The following KDM4C variants were observed in gnomAD, a reference collection of about 807,000 sequenced individuals.
KDM4C encodes lysine-specific demethylase 4C.
In KDM4C, 81 loss-of-function variants were observed where a neutral mutation model predicts 129.3. That is an observed-to-expected ratio of 0.63 (90% confidence interval 0.52 to 0.75). The LOEUF is 0.75. Among genes scored for constraint, KDM4C ranks in the 30% least tolerant of loss-of-function variants. The pLI, the probability that KDM4C is intolerant of heterozygous loss-of-function variation, is 0.00. For missense variants in KDM4C, 1,457 were observed against 1,304.0 expected (o/e 1.12, Z -1.81); for synonymous variants, 573 against 456.1 (o/e 1.26, Z -3.26).
intron 4 of KDM4C, among the ~76,000 whole-genome samples, chr9:6,824,456 G>C (rs556617746): frequency 6.6e-6 from 1 of 152,230 alleles, no homozygotes; most frequent in African/African-American, 2.4e-5. Flanking sequence ...TCCCCAGTGT[G>C]CATTTTTCTG....
At chr9:6,925,068 G>T in intron 8 of KDM4C, 1 of 985,302 alleles carries the variant, frequency 1.0e-6, no homozygotes, top group Non-Finnish European at 1.2e-6. Flanking sequence ...AACGAAACAT[G>T]CATCCTTTTT....
chr9:6,783,841 A>G (rs1263573122), intron 1 of KDM4C, among the ~76,000 whole-genome samples: 1 of 152,226 alleles, frequency 6.6e-6, no homozygotes, highest in East Asian at 1.9e-4. Flanking sequence ...GGAGGCAGAC[A>G]TCAGATTGCA....
At chr9:6,793,252 G>A (rs1259887298) in intron 2 of KDM4C, 120 bp downstream of exon 2, 5 of 910,020 alleles carry the variant, frequency 5.5e-6, no homozygotes, top group East Asian at 2.5e-5. Context: ...CTTTGTTCTC[G>A]TTAATCCATG....
chr9:7,005,492 C>G (rs988744632), intron 12 of KDM4C, among the ~76,000 whole-genome samples: 6 of 150,618 alleles, frequency 4.0e-5, no homozygotes, highest in African/African-American at 1.5e-4. Context: ...AAACGCCCCA[C>G]ATTCCTTTGT....
At chr9:6,804,342 C>A (rs1829570947) in intron 2 of KDM4C, among the ~76,000 whole-genome samples, 1 of 152,150 alleles carries the variant, frequency 6.6e-6, no homozygotes, top group African/African-American at 2.4e-5. Context: ...GGTGGGAGTA[C>A]TATGCCATGG....
chr9:7,091,597 A>G (rs528385972), intron 17 of KDM4C, among the ~76,000 whole-genome samples: 3 of 151,836 alleles, frequency 2.0e-5, no homozygotes, highest in South Asian at 4.1e-4. Context: ...AATTTACTAA[A>G]CATGGCTACA....
At chr9:6,801,229 G>A (rs998770934) in intron 2 of KDM4C, among the ~76,000 whole-genome samples, 12 of 139,734 alleles carry the variant, frequency 8.6e-5, no homozygotes, top group Non-Finnish European at 1.7e-4. Flanking sequence ...TTATGTCCTT[G>A]AGTAGGGAAA....
Position 7,105,966 on chromosome 9 carries a change from A to G in KDM4C, c.2610+2096A>G, listed in dbSNP as rs532029973. On this transcript the variant is annotated intron_variant, in intron 18 of 21. Transcript: ENST00000381309. ...GTAAAGACTGGGGAAAAGATCATAT[A>G]ATTTACAACATCACGTGAGGCAGCT... Among the ~76,000 whole-genome samples, 3 of 152,288 alleles carry G rather than the reference A, an allele frequency of 2.0e-5. No individual in the cohort carries two copies. In the South Asian group the frequency reaches 6.2e-4, roughly 32 times the overall value.
intron 19 of KDM4C, among the ~76,000 whole-genome samples, chr9:7,138,101 G>A (rs1841395989): frequency 6.6e-6 from 1 of 152,192 alleles, no homozygotes; most frequent in African/African-American, 2.4e-5. Context: ...TGAGGTCAGA[G>A]TATGTGGGCA....
chr9:7,113,625 A>G (rs1383895380), intron 18 of KDM4C, among the ~76,000 whole-genome samples: 1 of 152,212 alleles, frequency 6.6e-6, no homozygotes, highest in Non-Finnish European at 1.5e-5. Flanking sequence ...CAGCCTCAGC[A>G]TACTCTACGA....
At position 6,777,754 on chromosome 9, in the gene KDM4C, A is replaced by G. The variant is rs566287358; in HGVS notation, c.-17-15218A>G. Among the ~76,000 whole-genome samples, 25 of 151,736 alleles carry G rather than the reference A, an allele frequency of 1.6e-4. No individual in the cohort carries two copies. In the South Asian group the frequency reaches 4.6e-3, roughly 28 times the overall value. The stretch of plus-strand genomic sequence containing the variant: ...CCATGTTTGGCTAATCAAATGTAAC[A>G]TTCTTAACAAGCCATCCTCTAGATT... On this transcript the variant is annotated intron_variant, in intron 1 of 21. Coordinates refer to ENST00000381309, the MANE Select transcript of KDM4C (RefSeq NM_015061.6).
chr9:7,103,600 T>TTTC, intron 17 of KDM4C, 85 bp from the exon 18 acceptor site: 1 of 890,238 alleles, frequency 1.1e-6, no homozygotes, highest in South Asian at 1.7e-5. Context: ...TTTTTTCTTC[T>TTTC]CTAGTAGCTA....
chr9:7,152,086 A>T (rs1201508224), intron 19 of KDM4C, among the ~76,000 whole-genome samples: 4 of 152,232 alleles, frequency 2.6e-5, no homozygotes, highest in Admixed American at 6.5e-5. Context: ...CATTAGATTT[A>T]TTTACTGCAC....
At chr9:6,785,124 TG>T (rs1272215513) in intron 1 of KDM4C, among the ~76,000 whole-genome samples, 1 of 152,196 alleles carries the variant, frequency 6.6e-6, no homozygotes, top group Non-Finnish European at 1.5e-5. Flanking sequence ...ACGTCTATCC[TG>T]TCACAGTTCT....
intron 8 of KDM4C, among the ~76,000 whole-genome samples, chr9:6,954,459 C>G (rs1055857891): frequency 6.6e-6 from 1 of 152,072 alleles, no homozygotes; most frequent in Non-Finnish European, 1.5e-5. Flanking sequence ...TGACAATGAA[C>G]TATTCTGGTA....
intron 8 of KDM4C, among the ~76,000 whole-genome samples, chr9:6,964,425 T>C (rs945970748): frequency 7.3e-6 from 1 of 137,828 alleles, no homozygotes; most frequent in African/African-American, 2.9e-5. Flanking sequence ...GAACTCATCC[T>C]TTTTTTATGG....
chr9:6,908,695 A>G (rs942568295), intron 8 of KDM4C, among the ~76,000 whole-genome samples: 6 of 151,998 alleles, frequency 3.9e-5, no homozygotes, highest in Admixed American at 3.9e-4. Context: ...GTGGGGAGGT[A>G]CCTAGCTTAA....
chr9:7,111,808 T>G (rs549807028), intron 18 of KDM4C, among the ~76,000 whole-genome samples: 2 of 152,186 alleles, frequency 1.3e-5, no homozygotes, highest in Non-Finnish European at 2.9e-5. Context: ...AACCCCGTTT[T>G]TATATATCCC....
chr9:7,031,614 T>C (rs1029482598), intron 15 of KDM4C, among the ~76,000 whole-genome samples: 6 of 152,274 alleles, frequency 3.9e-5, no homozygotes, highest in African/African-American at 1.4e-4. Flanking sequence ...TATGTGTACA[T>C]ATATACACAC....
Sources: gnomAD v4.1 joint callset for allele counts (sites outside exome capture counted in the v4.1 genomes callset) on GRCh38, gnomAD v4.1.1 for gene constraint, MANE v1.5 for transcripts, NCBI Gene and HGNC (gene_info 2026-07-23, HGNC 2026-07-21) for gene names.